The following PSMD1 variants were observed in gnomAD, a reference collection of about 807,000 sequenced individuals.
PSMD1 encodes the protein proteasome 26S subunit, non-ATPase 1.
PSMD1 carries 18 observed loss-of-function variants against 119.0 expected under a neutral mutation model. That is an observed-to-expected ratio of 0.15 (90% CI 0.10 to 0.22). The LOEUF (loss-of-function observed/expected upper bound fraction) is 0.22, where lower values mean the gene tolerates loss of function less well. Ranked by LOEUF, PSMD1 falls within the 10% of genes least tolerant of loss-of-function variation. The probability of loss-of-function intolerance (pLI) is 1.00; values close to 1 mark genes in which losing one functional copy is unlikely to be tolerated. For missense variants in PSMD1, 702 were observed against 1,158.5 expected (o/e 0.61, Z 5.72); for synonymous variants, 374 against 396.6 (o/e 0.94, Z 0.68).
intron 16 of PSMD1, among the ~76,000 whole-genome samples, chr2:231,092,428 T>G (rs112793249): frequency 5.3e-4 from 81 of 152,256 alleles, no homozygotes; most frequent in African/African-American, 1.8e-3. Flanking sequence ...TCTGTGTGAT[T>G]ATGAATAAAG....
intron 16 of PSMD1, among the ~76,000 whole-genome samples, chr2:231,092,686 C>G (rs1409661052): frequency 6.6e-6 from 1 of 152,154 alleles, no homozygotes; most frequent in Non-Finnish European, 1.5e-5. Flanking sequence ...GGGCTCTAGT[C>G]TAAGATGTTA....
chr2:231,167,737 T>A (rs185399281), intron 23 of PSMD1, among the ~76,000 whole-genome samples: 2 of 152,310 alleles, frequency 1.3e-5, no homozygotes, highest in African/African-American at 4.8e-5. Context: ...TATTTTCAAA[T>A]CATTTATCTG....
intron 16 of PSMD1, among the ~76,000 whole-genome samples, chr2:231,094,396 G>A (rs1228416321): frequency 6.6e-6 from 1 of 152,118 alleles, no homozygotes; most frequent in Non-Finnish European, 1.5e-5. Context: ...TCCAATATGT[G>A]TGATTAGAAA....
Position 231,072,380 on chromosome 2 carries a change from T to C in PSMD1, c.846T>C (p.Thr282=), listed in dbSNP as rs371662857. The C allele has an allele frequency of 1.9e-6, 3 of 1,613,540 alleles. No homozygotes were observed. The highest frequency in any genetic ancestry group is 2.5e-6 in the Non-Finnish European group (3 of 1,179,456). The change falls in exon 7 of 25, where the codon ACT becomes ACC. Residue 282 remains threonine (T), a synonymous_variant. Coordinates refer to ENST00000308696, the MANE Select transcript of PSMD1 (RefSeq NM_002807.4). ...GTPIASVPGS[T]NTGTVPGSEK... ...CTATTGCTTCTGTGCCTGGATCCAC[T>C]AATACGGGTACTGTTCCGGGATCAG...
chr2:231,108,574 C>T (rs1345271980), intron 16 of PSMD1: 6 of 1,613,850 alleles, frequency 3.7e-6, no homozygotes, highest in Non-Finnish European at 5.1e-6. Flanking sequence ...TGAGGAGAAG[C>T]GTATCTAGTA....
chr2:231,097,532 A>T (rs1049553932), intron 16 of PSMD1, among the ~76,000 whole-genome samples: 1 of 152,224 alleles, frequency 6.6e-6, no homozygotes, highest in African/African-American at 2.4e-5. Context: ...TTCCCAAGCC[A>T]TCTGACTAGT....
At chr2:231,108,913 A>T (rs774540124) in intron 16 of PSMD1, 17 of 1,614,044 alleles carry the variant, frequency 1.1e-5, no homozygotes, top group Non-Finnish European at 1.7e-6. Flanking sequence ...TACAGGAATC[A>T]CATAAAACTA....
At chr2:231,141,073 C>T (rs1008612551) in intron 17 of PSMD1, among the ~76,000 whole-genome samples, 14 of 152,114 alleles carry the variant, frequency 9.2e-5, no homozygotes, top group African/African-American at 3.1e-4. Flanking sequence ...TTCGGGATGC[C>T]GAGGCGGGCG....
intron 16 of PSMD1, among the ~76,000 whole-genome samples, chr2:231,112,723 G>T (rs77855723): frequency 2.0e-5 from 3 of 152,154 alleles, no homozygotes; most frequent in South Asian, 4.2e-4. Flanking sequence ...AATGATTTAC[G>T]CATACTTCAT....
chr2:231,160,960 C>T (rs111877145), intron 19 of PSMD1, among the ~76,000 whole-genome samples: 3,381 of 152,152 alleles, frequency 0.022, 138 homozygotes, highest in African/African-American at 0.077. Context: ...CTTGTAATCC[C>T]AAGACTTTGG....
At chr2:231,111,992 A>G (rs531959009) in intron 16 of PSMD1, among the ~76,000 whole-genome samples, 38 of 152,338 alleles carry the variant, frequency 2.5e-4, no homozygotes, top group African/African-American at 8.7e-4. Flanking sequence ...TTATAAATTG[A>G]TGGTATCCAG....
At chr2:231,124,261 T>C (rs1695660254) in intron 16 of PSMD1, 1 of 160,664 alleles carries the variant, frequency 6.2e-6, no homozygotes, top group Admixed American at 5.9e-5. Flanking sequence ...ATTCTCCAAA[T>C]ATACTGTATT....
chr2:231,115,322 T>G lies in PSMD1; in HGVS notation c.1884-23414T>G, dbSNP rs548457984. On this transcript the variant is annotated intron_variant, in intron 16 of 24. Coordinates refer to ENST00000308696, the MANE Select transcript of PSMD1 (RefSeq NM_002807.4). ...AAAAATATCTGGGCACTTGACAAAG[T>G]ATCCAGAAGGTAGCAAGGCTGACAC... Among the ~76,000 whole-genome samples, 19 of 152,306 alleles carry G rather than the reference T, an allele frequency of 1.2e-4. 1 individual carries two copies. The South Asian group carries it at 3.9e-3, about 32-fold the overall frequency.
At chr2:231,137,596 T>G (rs953008009) in intron 16 of PSMD1, among the ~76,000 whole-genome samples, 1 of 152,128 alleles carries the variant, frequency 6.6e-6, no homozygotes, top group Non-Finnish European at 1.5e-5. Context: ...AGGTTTGTTA[T>G]GTGTGTATAT....
intron 17 of PSMD1, among the ~76,000 whole-genome samples, chr2:231,139,281 G>C (rs1222817985): frequency 6.6e-6 from 1 of 150,748 alleles, no homozygotes; most frequent in African/African-American, 2.4e-5. Context: ...TGGGATTACA[G>C]GCATGAGCCA....
intron 23 of PSMD1, among the ~76,000 whole-genome samples, chr2:231,166,767 T>C (rs1696796289): frequency 6.6e-6 from 1 of 152,176 alleles, no homozygotes; most frequent in Admixed American, 6.5e-5. Context: ...TAGATCCTTA[T>C]CCTTATACAA....
At chr2:231,112,999 T>C (rs540029292) in intron 16 of PSMD1, among the ~76,000 whole-genome samples, 54 of 152,094 alleles carry the variant, frequency 3.6e-4, no homozygotes, top group Middle Eastern at 3.4e-3. Flanking sequence ...ACCCCACCTC[T>C]ACCAAAAATA....
At chr2:231,107,124 A>G (rs1046767323) in intron 16 of PSMD1, among the ~76,000 whole-genome samples, 1 of 152,180 alleles carries the variant, frequency 6.6e-6, no homozygotes. Context: ...TTGATGATTT[A>G]GGAATTAAAT....
intron 4 of PSMD1, among the ~76,000 whole-genome samples, chr2:231,066,002 A>G (rs1693901580): frequency 6.6e-6 from 1 of 152,236 alleles, no homozygotes; most frequent in Non-Finnish European, 1.5e-5. Context: ...GCTATTGCCT[A>G]TAGTATTCAA....
Sources: allele counts gnomAD v4.1 joint callset (sites outside exome capture counted in the v4.1 genomes callset), GRCh38; gene constraint gnomAD v4.1.1; transcripts MANE v1.5; gene names NCBI Gene and HGNC (gene_info 2026-07-23, HGNC 2026-07-21).